MEGF11: variants seen among roughly 807,000 people sequenced by gnomAD.
MEGF11 encodes multiple epidermal growth factor-like domains protein 11.
MEGF11 carries 126 observed loss-of-function variants against 146.6 expected under a neutral mutation model. That is an observed-to-expected ratio of 0.86 (90% CI 0.74 to 1.00). The LOEUF is 1.00. Among genes scored for constraint, MEGF11 ranks in the 50% least tolerant of loss-of-function variants. The pLI, the probability that MEGF11 is intolerant of heterozygous loss-of-function variation, is 0.00. For missense variants in MEGF11, 1,509 were observed against 1,521.2 expected (o/e 0.99, Z 0.13); for synonymous variants, 532 against 583.4 (o/e 0.91, Z 1.27).
At chr15:66,009,244 T>G (rs2571350) in intron 5 of MEGF11, among the ~76,000 whole-genome samples, 209 of 18,138 alleles carry the variant, frequency 0.012, 17 homozygotes, top group Non-Finnish European at 0.017. Flanking sequence ...AACCTAAGTT[T>G]TTTTTTTTTT....
intron 11 of MEGF11, 64 bp from the exon 12 acceptor site, chr15:65,929,947 C>T: frequency 6.8e-7 from 1 of 1,467,672 alleles, no homozygotes. Context: ...TTTGCCCACT[C>T]CCCCCAGCTC....
intron 15 of MEGF11, among the ~76,000 whole-genome samples, chr15:65,918,875 TC>T (rs1317860324): frequency 6.6e-6 from 1 of 152,188 alleles, no homozygotes; most frequent in African/African-American, 2.4e-5. Context: ...GTGCAATTCA[TC>T]CCCCACCTGC....
At chr15:66,023,101 A>G (rs1246574817) in intron 5 of MEGF11, among the ~76,000 whole-genome samples, 2 of 144,844 alleles carry the variant, frequency 1.4e-5, no homozygotes, top group Non-Finnish European at 3.0e-5. Context: ...AGATTATCCC[A>G]CTGCATTCCA....
chr15:66,033,235 A>G (rs1363226055), intron 5 of MEGF11, among the ~76,000 whole-genome samples: 1 of 152,202 alleles, frequency 6.6e-6, no homozygotes, highest in Non-Finnish European at 1.5e-5. Context: ...CACAGAAGAC[A>G]CCAAGACAAT....
At chr15:66,253,169 C>G (rs1475560705) in intron 1 of MEGF11, among the ~76,000 whole-genome samples, 1 of 152,170 alleles carries the variant, frequency 6.6e-6, no homozygotes, top group African/African-American at 2.4e-5. Flanking sequence ...GGGAAGGCGC[C>G]GGTGCAGTGA....
Position 66,017,540 on chromosome 15 carries a change from G to A in MEGF11, c.395-35052C>T, listed in dbSNP as rs376946294. Among the ~76,000 whole-genome samples the A allele has an allele frequency of 2.2e-4, 34 of 152,232 alleles. No homozygotes were observed. In the East Asian group the frequency reaches 2.7e-3, roughly 12 times the overall value. On this transcript the variant is annotated intron_variant, in intron 5 of 25. Coordinates refer to ENST00000395614, the MANE Select transcript of MEGF11 (RefSeq NM_001385028.1). Reference sequence around the variant, plus strand: ...CTGGTTTTTCTTACCATCAGCACCCGGAATCCTCCGGCCCTGCTGGTCTGA... The same window carrying A: ...CTGGTTTTTCTTACCATCAGCACCCAGAATCCTCCGGCCCTGCTGGTCTGA...
At chr15:66,137,587 C>T (rs1407474348) in intron 1 of MEGF11, among the ~76,000 whole-genome samples, 1 of 147,276 alleles carries the variant, frequency 6.8e-6, no homozygotes, top group African/African-American at 2.5e-5. Context: ...GACAGCATCT[C>T]TGTCATCCAG....
intron 7 of MEGF11, among the ~76,000 whole-genome samples, chr15:65,980,369 G>C (rs978604902): frequency 6.9e-6 from 1 of 144,160 alleles, no homozygotes; most frequent in Non-Finnish European, 1.5e-5. Context: ...AGGAGGGAGG[G>C]TATTCAGAGT....
intron 4 of MEGF11, among the ~76,000 whole-genome samples, chr15:66,105,757 G>C (rs2087041584): frequency 6.6e-6 from 1 of 152,228 alleles, no homozygotes; most frequent in Admixed American, 6.5e-5. Context: ...GTTTAGCTGA[G>C]CAAACAGAGT....
At chr15:66,193,972 C>T (rs2090944477) in intron 1 of MEGF11, among the ~76,000 whole-genome samples, 1 of 152,076 alleles carries the variant, frequency 6.6e-6, no homozygotes, top group Admixed American at 6.6e-5. Flanking sequence ...GTAGATCTAC[C>T]ATTTGATCCA....
chr15:65,922,176 G>A, intron 15 of MEGF11, 162 bp downstream of exon 15: 4 of 760,434 alleles, frequency 5.3e-6, no homozygotes, highest in South Asian at 1.9e-5. Context: ...TTTGTCTCAT[G>A]CCATGTGGGG....
intron 1 of MEGF11, among the ~76,000 whole-genome samples, chr15:66,169,783 C>T (rs952362501): frequency 3.3e-5 from 5 of 152,200 alleles, no homozygotes; most frequent in Admixed American, 2.0e-4. Context: ...AGACGGCCAG[C>T]GCTGCTGGGT....
At chr15:65,927,875 C>T (rs776221212) in intron 13 of MEGF11, among the ~76,000 whole-genome samples, 1 of 152,180 alleles carries the variant, frequency 6.6e-6, no homozygotes, top group Non-Finnish European at 1.5e-5. Context: ...TGGGAAGCCA[C>T]TGAGGCATTC....
At chr15:66,115,370 T>C (rs1355885746) in intron 4 of MEGF11, among the ~76,000 whole-genome samples, 1 of 152,150 alleles carries the variant, frequency 6.6e-6, no homozygotes, top group Non-Finnish European at 1.5e-5. Context: ...CTCACTACCA[T>C]TTCTCCCTCT....
At chr15:66,221,704 T>C (rs1878177168) in intron 1 of MEGF11, among the ~76,000 whole-genome samples, 1 of 152,080 alleles carries the variant, frequency 6.6e-6, no homozygotes, top group African/African-American at 2.4e-5. Flanking sequence ...CTTGATGGGA[T>C]TTAACATTTT....
intron 5 of MEGF11, among the ~76,000 whole-genome samples, chr15:66,027,060 A>T (rs1391633311): frequency 6.6e-6 from 1 of 151,928 alleles, no homozygotes; most frequent in Non-Finnish European, 1.5e-5. Context: ...ATGCACCAGC[A>T]CTCCCAGTCC....
chr15:66,163,723 C>T (rs921792372), intron 1 of MEGF11, among the ~76,000 whole-genome samples: 7 of 152,154 alleles, frequency 4.6e-5, no homozygotes, highest in Admixed American at 6.5e-5. Context: ...TATGGGAAGG[C>T]GGGCGGAGCC....
chr15:66,062,094 C>G (rs2084930046), intron 5 of MEGF11, among the ~76,000 whole-genome samples: 1 of 152,186 alleles, frequency 6.6e-6, no homozygotes, highest in Non-Finnish European at 1.5e-5. Context: ...TCTGGGAAGG[C>G]CTCTCTGGGA....
At chr15:65,930,800 G>A in intron 11 of MEGF11, 23 bp downstream of exon 11, 1 of 1,591,814 alleles carries the variant, frequency 6.3e-7, no homozygotes, top group South Asian at 1.1e-5. Flanking sequence ...TCAGGGATGG[G>A]CTTGGGAGAG....
Sources: gnomAD v4.1 joint callset for allele counts (sites outside exome capture counted in the v4.1 genomes callset) on GRCh38, gnomAD v4.1.1 for gene constraint, MANE v1.5 for transcripts, NCBI Gene and HGNC (gene_info 2026-07-23, HGNC 2026-07-21) for gene names.